Variants in LINGO2 observed in about 807,000 individuals in gnomAD.
LINGO2 encodes leucine-rich repeat and immunoglobulin-like domain-containing nogo receptor-interacting protein 2.
LINGO2 carries 14 observed loss-of-function variants against 30.6 expected under a neutral mutation model. That is an observed-to-expected ratio of 0.46 (90% CI 0.30 to 0.72). The LOEUF is 0.72. Among genes scored for constraint, LINGO2 ranks in the 30% least tolerant of loss-of-function variants. The pLI, the probability that LINGO2 is intolerant of heterozygous loss-of-function variation, is 0.07. For synonymous variants in LINGO2, 317 were observed against 288.5 expected (o/e 1.10, Z -1.00); for missense variants, 729 against 751.7 (o/e 0.97, Z 0.35).
chr9:28,041,594 G>A (rs531579374), intron 4 of LINGO2, among the ~76,000 whole-genome samples: 1 of 152,268 alleles, frequency 6.6e-6, no homozygotes, highest in African/African-American at 2.4e-5. Context: ...TAAAGTCTCA[G>A]TTCTGACTTG....
At chr9:28,654,465 T>C (rs914600724) in intron 1 of LINGO2, among the ~76,000 whole-genome samples, 1 of 136,146 alleles carries the variant, frequency 7.3e-6, no homozygotes, top group Non-Finnish European at 1.5e-5. Context: ...TAGTATATGA[T>C]AGAACATGAA....
the LINGO2 span, among the ~76,000 whole-genome samples, chr9:28,707,002 G>GGACTACATGT: frequency 6.6e-6 from 1 of 151,870 alleles, no homozygotes; most frequent in African/African-American, 2.4e-5. Context: ...CCCTACTCCT[G>GGACTACATGT]GACTACATGT....
the LINGO2 span, among the ~76,000 whole-genome samples, chr9:28,959,045 G>A: frequency 1.3e-5 from 2 of 152,146 alleles, no homozygotes; most frequent in African/African-American, 4.8e-5. Flanking sequence ...GTAGCTTGGT[G>A]TATTTCACCA....
the LINGO2 span, among the ~76,000 whole-genome samples, chr9:28,871,782 T>C: frequency 6.6e-6 from 1 of 151,960 alleles, no homozygotes; most frequent in Non-Finnish European, 1.5e-5. Context: ...ATGCATTAAC[T>C]GGGTGAACTT....
the LINGO2 span, among the ~76,000 whole-genome samples, chr9:28,756,626 G>A: frequency 6.6e-6 from 1 of 151,910 alleles, no homozygotes; most frequent in African/African-American, 2.4e-5. Flanking sequence ...TGTCAAGGGA[G>A]GGACCACATG....
chr9:28,861,559 G>C, the LINGO2 span, among the ~76,000 whole-genome samples: 1 of 150,404 alleles, frequency 6.6e-6, no homozygotes. Flanking sequence ...TGAGTATCTA[G>C]TGAGATTGTG....
chr9:28,297,292 G>A (rs1259708375), intron 3 of LINGO2, among the ~76,000 whole-genome samples: 1 of 152,126 alleles, frequency 6.6e-6, no homozygotes, highest in Non-Finnish European at 1.5e-5. Context: ...CTCCTCAGAA[G>A]GGGTAAGTTT....
At chr9:28,598,436 A>AAAAC (rs1554643696) in intron 1 of LINGO2, among the ~76,000 whole-genome samples, 3 of 127,974 alleles carry the variant, frequency 2.3e-5, no homozygotes, top group Admixed American at 9.6e-5. Flanking sequence ...AAAAAAAAAC[A>AAAAC]AAACAAACAA....
chr9:28,691,957 A>G, the LINGO2 span, among the ~76,000 whole-genome samples: 1 of 152,192 alleles, frequency 6.6e-6, no homozygotes, highest in Non-Finnish European at 1.5e-5. Context: ...TCCTCAAAGC[A>G]GAGACAGCTA....
At chr9:28,107,154 C>G (rs2133342048) in intron 4 of LINGO2, among the ~76,000 whole-genome samples, 1 of 152,240 alleles carries the variant, frequency 6.6e-6, no homozygotes, top group South Asian at 2.1e-4. Context: ...CTACACAACT[C>G]TCTTGCACAA....
chr9:28,359,942 C>T (rs148982354), intron 3 of LINGO2, among the ~76,000 whole-genome samples: 5 of 152,128 alleles, frequency 3.3e-5, no homozygotes, highest in African/African-American at 1.2e-4. Context: ...CTGTAGAGAT[C>T]TGGGTGTGAA....
At chr9:28,834,552 T>C in the LINGO2 span, among the ~76,000 whole-genome samples, 1 of 152,172 alleles carries the variant, frequency 6.6e-6, no homozygotes, top group Non-Finnish European at 1.5e-5. Flanking sequence ...AAGGTATCCA[T>C]CAACAATTAT....
chr9:28,792,124 G>C, the LINGO2 span, among the ~76,000 whole-genome samples: 1 of 151,446 alleles, frequency 6.6e-6, no homozygotes, highest in African/African-American at 2.4e-5. Flanking sequence ...GAACTAAAAA[G>C]AAAAATTATT....
At chr9:28,117,783 C>T (rs1314263104) in intron 4 of LINGO2, among the ~76,000 whole-genome samples, 1 of 150,480 alleles carries the variant, frequency 6.6e-6, no homozygotes, top group Non-Finnish European at 1.5e-5. Context: ...GGACGGTGCG[C>T]ACACACACTG....
chr9:29,010,009 C>T, the LINGO2 span, among the ~76,000 whole-genome samples: 2 of 152,114 alleles, frequency 1.3e-5, no homozygotes, highest in East Asian at 1.9e-4. Flanking sequence ...GCCTTCCTTA[C>T]ACCATATACA....
Position 28,433,923 on chromosome 9 carries a change from T to TCTCTCTCTCTCTCTCTCTCTCTCTC in LINGO2, c.-279+42016_-279+42017insGAGAGAGAGAGAGAGAGAGAGAGAG, listed in dbSNP as rs1564196132. ...TGGATAAAGAAAATGTGCTCTCTCT[T>TCTCTCTCTCTCTCTCTCTCTCTCTC]TCTCTCTCTCTCTCTCTCTCTCTCT... On this transcript the variant is annotated intron_variant, in intron 2 of 5. Coordinates refer to ENST00000379992, the Ensembl canonical transcript of LINGO2. 3.7e-4 allele frequency among the ~76,000 whole-genome samples: 41 copies of TCTCTCTCTCTCTCTCTCTCTCTCTC among 109,976 alleles called. 7 individuals are homozygous for TCTCTCTCTCTCTCTCTCTCTCTCTC. The highest frequency in any genetic ancestry group is 7.0e-4 in the Non-Finnish European group (35 of 49,990). The allele number at this position is 109,976 out of a possible 152,430, so 72.1% of individuals were successfully genotyped here.
At chr9:29,064,610 C>T in the LINGO2 span, among the ~76,000 whole-genome samples, 1 of 151,920 alleles carries the variant, frequency 6.6e-6, no homozygotes, top group African/African-American at 2.4e-5. Flanking sequence ...GGTAGCTAGA[C>T]CACACTGAAG....
the LINGO2 span, among the ~76,000 whole-genome samples, chr9:29,107,761 T>C: frequency 6.6e-6 from 1 of 152,114 alleles, no homozygotes; most frequent in Non-Finnish European, 1.5e-5. Context: ...TCCAGCTATA[T>C]TGCACATCAT....
chr9:28,148,845 C>G lies in LINGO2; in HGVS notation c.-86-136440G>C, dbSNP rs1371010629. ...AAGGTGCTGGGTAAAGACCACCTGC[C>G]CAGCTCTCCAGGCTTGCTGATGGTG... On this transcript the variant is annotated intron_variant, in intron 4 of 5. Transcript: ENST00000379992. This position sits in a 1 kb window ranked among gnomAD's most constrained non-coding sequence, Gnocchi z 5.1. 2 of 1,533,590 alleles carry G rather than the reference C, an allele frequency of 1.3e-6. No individual in the cohort carries two copies. The highest frequency in any genetic ancestry group is 4.9e-5 in the East Asian group (2 of 40,904). 95.0% of individuals were successfully genotyped at this position (1,533,590 alleles called of 1,614,324 possible).
Sources: gnomAD v4.1 joint callset for allele counts (sites outside exome capture counted in the v4.1 genomes callset) on GRCh38, gnomAD v4.1.1 for gene constraint, Gnocchi (gnomAD v3.1) non-coding constraint, MANE v1.5 for transcripts, NCBI Gene and HGNC (gene_info 2026-07-23, HGNC 2026-07-21) for gene names.